The following KLHL2 variants were observed in gnomAD, a reference collection of about 807,000 sequenced individuals.
The protein encoded by KLHL2 is kelch like family member 2.
A neutral mutation model predicts 75.8 loss-of-function variants in KLHL2; 15 were observed. The ratio of observed to expected loss-of-function variants is 0.20; its 90% CI spans 0.13 to 0.30. The LOEUF (loss-of-function observed/expected upper bound fraction) is 0.30, where lower values mean the gene tolerates loss of function less well. Among genes scored for constraint, KLHL2 ranks in the 10% least tolerant of loss-of-function variants. The probability of loss-of-function intolerance (pLI) is 1.00; values close to 1 mark genes in which losing one functional copy is unlikely to be tolerated. For synonymous variants in KLHL2, 214 were observed against 251.9 expected, an observed-to-expected ratio of 0.85 and a Z score of 1.42; for missense variants, 381 against 741.0, an observed-to-expected ratio of 0.51 and a Z score of 5.64.
At chr4:165,285,604 A>G (rs1356838137) in intron 5 of KLHL2, among the ~76,000 whole-genome samples, 2 of 152,026 alleles carry the variant, frequency 1.3e-5, no homozygotes, top group African/African-American at 4.8e-5. Flanking sequence ...ACGGGGTTTC[A>G]TCATGTTGGC....
intron 5 of KLHL2, among the ~76,000 whole-genome samples, chr4:165,273,170 C>CT (rs898196220): frequency 1.8e-4 from 27 of 151,900 alleles, no homozygotes; most frequent in Non-Finnish European, 3.2e-4. Flanking sequence ...CTCCCCTTCC[C>CT]TTTTTTTTAT....
At chr4:165,251,861 G>T (rs1033511671) in intron 4 of KLHL2, among the ~76,000 whole-genome samples, 1 of 151,922 alleles carries the variant, frequency 6.6e-6, no homozygotes, top group Non-Finnish European at 1.5e-5. Context: ...CGCCCGCCTC[G>T]GCCTCCCAAA....
chr4:165,288,995 A>G (rs901538312), intron 5 of KLHL2, among the ~76,000 whole-genome samples: 1 of 152,184 alleles, frequency 6.6e-6, no homozygotes, highest in South Asian at 2.1e-4. Context: ...TCAAGAACAT[A>G]TAAAATAACA....
intron 4 of KLHL2, among the ~76,000 whole-genome samples, chr4:165,249,175 G>C (rs1478349740): frequency 1.3e-5 from 2 of 152,338 alleles, no homozygotes; most frequent in African/African-American, 4.8e-5. Context: ...GTCACAGTGG[G>C]GGTTAGACAT....
chr4:165,256,746 C>A (rs1464858431), intron 4 of KLHL2, among the ~76,000 whole-genome samples: 1 of 152,082 alleles, frequency 6.6e-6, no homozygotes, highest in Non-Finnish European at 1.5e-5. Context: ...TAAAATTTAA[C>A]AAATATGTAA....
chr4:165,277,780 C>T (rs1270763753), intron 5 of KLHL2: 5 of 586,634 alleles, frequency 8.5e-6, no homozygotes, highest in East Asian at 2.7e-5. Flanking sequence ...CACACACACA[C>T]ACACACCAAA....
At position 165,322,247 on chromosome 4, in the gene KLHL2, T is replaced by G. The variant is rs1469251921; in HGVS notation, c.*187T>G. ...TTTTTGGTAGAAGCACCGTGTAGGC[T>G]TTTTCTGCAATGAGCAGCAGCTGAC... On this transcript the variant is annotated 3_prime_UTR_variant, in exon 15 of 15. Transcript: ENST00000226725. The G allele has an allele frequency of 3.5e-6, 2 of 577,990 alleles. No homozygotes were observed. Among genetic ancestry groups the G allele is most frequent in the African/African-American group, 1.9e-5 (1 of 53,140 alleles). The allele number at this position is 577,990 out of a possible 1,614,324, so 35.8% of individuals were successfully genotyped here.
At position 165,281,218 on chromosome 4, in the gene KLHL2, A is replaced by G. The variant is rs186618149; in HGVS notation, c.545-13141A>G. The stretch of plus-strand genomic sequence containing the variant: ...ACTTTGTACCTTATTACAGGATACA[A>G]AACAGAACAAATAACACTTGAGACT... On this transcript the variant is annotated intron_variant, in intron 5 of 14. Transcript: ENST00000226725. 3.7e-3 allele frequency among the ~76,000 whole-genome samples: 569 copies of G among 152,288 alleles called. 5 individuals carry two copies. The highest frequency in any genetic ancestry group is 0.013 in the African/African-American group (550 of 41,556).
chr4:165,218,923 C>T (rs183252493), intron 1 of KLHL2, among the ~76,000 whole-genome samples: 62 of 152,158 alleles, frequency 4.1e-4, no homozygotes, highest in African/African-American at 1.4e-3. Flanking sequence ...TATGTAATAG[C>T]TTTATTGAGG....
intron 8 of KLHL2, 123 bp downstream of exon 8, chr4:165,299,779 T>G (rs1745210265): frequency 2.5e-6 from 2 of 789,142 alleles, no homozygotes; most frequent in Admixed American, 3.1e-5. Flanking sequence ...AGAGAAAATG[T>G]GCCTAAGAAT....
At position 165,287,717 on chromosome 4, in the gene KLHL2, T is replaced by C. The variant is rs561993684; in HGVS notation, c.545-6642T>C. On this transcript the variant is annotated intron_variant, in intron 5 of 14. Transcript: ENST00000226725. ...CCACCCTAATGGGTGTGGGGTAATA[T>C]CTCATTGTGGTTTTGAGTTGTATTT... Among the ~76,000 whole-genome samples, 3 of 152,316 alleles carry C rather than the reference T, an allele frequency of 2.0e-5. No individual in the cohort carries two copies. In the East Asian group the frequency reaches 5.8e-4, roughly 29 times the overall value.
At chr4:165,285,587 A>G (rs1372225407) in intron 5 of KLHL2, among the ~76,000 whole-genome samples, 3 of 151,966 alleles carry the variant, frequency 2.0e-5, no homozygotes, top group African/African-American at 7.3e-5. Flanking sequence ...TTGTATTTTT[A>G]GTAGAGACGG....
At chr4:165,302,499 T>G (rs1745422601) in intron 8 of KLHL2, among the ~76,000 whole-genome samples, 1 of 152,216 alleles carries the variant, frequency 6.6e-6, no homozygotes. Flanking sequence ...TACACTCTGA[T>G]TTTTAATTTG....
At position 165,263,301 on chromosome 4, in the gene KLHL2, G is replaced by A. The variant is rs1476555094; in HGVS notation, c.486G>A (p.Arg162=). 1.2e-6 allele frequency: 2 copies of A among 1,614,022 alleles called. No individual in the cohort carries two copies. Among genetic ancestry groups the A allele is most frequent in the South Asian group, 1.1e-5 (1 of 91,078 alleles). ...ACCCTGTCAACTGCTTAGGAATCCG[G>A]GCTTTTGCTGATATGCATGCATGTA... ...QLHPVNCLGI[R]AFADMHACTD... Residue 162 remains arginine (R), a synonymous_variant, in exon 5 of 15, where the codon CGG becomes CGA. Coordinates refer to ENST00000226725, the MANE Select transcript of KLHL2 (RefSeq NM_007246.4).
chr4:165,238,664 T>G, intron 3 of KLHL2, 114 bp from the exon 4 acceptor site: 1 of 1,546,486 alleles, frequency 6.5e-7, no homozygotes, highest in Non-Finnish European at 8.7e-7. Flanking sequence ...AGTGGCTGAT[T>G]ATGCTGCCTG....
rs371243263 is a variant in KLHL2, at chr4:165,310,991, A to G, written c.1237+241A>G. 2.5e-3 allele frequency among the ~76,000 whole-genome samples: 381 copies of G among 151,416 alleles called. 1 individual carries two copies. The highest frequency in any genetic ancestry group is 8.8e-3 in the African/African-American group (364 of 41,220). Reference sequence around the variant, plus strand: ...TGCCTCAGCCTCCCGAGCAGCTGGGACTATAGGTGCCCGCCACCACGCCCG... The same window carrying G: ...TGCCTCAGCCTCCCGAGCAGCTGGGGCTATAGGTGCCCGCCACCACGCCCG... On this transcript the variant is annotated intron_variant, in intron 10 of 14. Coordinates refer to ENST00000226725, the MANE Select transcript of KLHL2 (RefSeq NM_007246.4).
intron 5 of KLHL2, among the ~76,000 whole-genome samples, chr4:165,292,714 C>T (rs1744610420): frequency 6.6e-6 from 1 of 151,952 alleles, no homozygotes; most frequent in Non-Finnish European, 1.5e-5. Flanking sequence ...AAGGGGAAGC[C>T]AACTGTTCCT....
At chr4:165,305,791 T>C in intron 9 of KLHL2, 66 bp downstream of exon 9, 1 of 1,061,438 alleles carries the variant, frequency 9.4e-7, no homozygotes, top group South Asian at 1.4e-5. Flanking sequence ...TTTCAGGTCT[T>C]ATTTTATTAA....
chr4:165,274,912 C>T (rs1252588314), intron 5 of KLHL2, among the ~76,000 whole-genome samples: 2 of 147,994 alleles, frequency 1.4e-5, no homozygotes. Context: ...CCACGCTGCT[C>T]ACCCCGAGAT....
Sources: allele counts gnomAD v4.1 joint callset (sites outside exome capture counted in the v4.1 genomes callset), GRCh38; gene constraint gnomAD v4.1.1; transcripts MANE v1.5; gene names NCBI Gene and HGNC (gene_info 2026-07-23, HGNC 2026-07-21).